The following WDR59 variants were observed in gnomAD, a reference collection of about 807,000 sequenced individuals.
The protein encoded by WDR59 is GATOR2 complex protein WDR59.
WDR59 carries 100 observed loss-of-function variants against 131.2 expected under a neutral mutation model. That is an observed-to-expected ratio of 0.76 (90% CI 0.65 to 0.90). The LOEUF (loss-of-function observed/expected upper bound fraction) is 0.90. WDR59 is among the 40% of genes least tolerant of loss of function. The pLI is 0.00. For missense variants in WDR59, 1,203 were observed against 1,262.2 expected, an observed-to-expected ratio of 0.95 and a Z score of 0.71; for synonymous variants, 601 against 466.2, an observed-to-expected ratio of 1.29 and a Z score of -3.72.
intron 25 of WDR59, among the ~76,000 whole-genome samples, chr16:74,875,718 T>G (rs1964180252): frequency 6.6e-6 from 1 of 152,198 alleles, no homozygotes; most frequent in African/African-American, 2.4e-5. Context: ...ATCACTTATT[T>G]TGCAAATGCC....
rs545227044 is a variant in WDR59 at position 74,923,541 on chromosome 16, G to A, written c.729+385C>T. 1.7e-3 allele frequency among the ~76,000 whole-genome samples: 255 copies of A among 152,054 alleles called. 1 individual carries two copies. Among genetic ancestry groups the A allele is most frequent in the Non-Finnish European group, 2.3e-3 (158 of 68,002 alleles). On this transcript the variant is annotated intron_variant, in intron 9 of 25. Coordinates refer to ENST00000262144, the MANE Select transcript of WDR59 (RefSeq NM_030581.4). ...CACCCAGGCTGGAGTGCAGTGGGGC[G>A]ATCTCAGCTTACTGCAAGCTCTGCC... is the stretch of plus-strand genomic sequence containing the variant.
intron 23 of WDR59, 103 bp from the exon 24 acceptor site, chr16:74,886,499 G>A: frequency 2.1e-6 from 3 of 1,441,506 alleles, no homozygotes; most frequent in Non-Finnish European, 2.8e-6. Context: ...TTTCCCAGAA[G>A]AAATGTTAAG....
chr16:74,953,857 C>T (rs1567428463), intron 3 of WDR59, among the ~76,000 whole-genome samples: 2 of 151,868 alleles, frequency 1.3e-5, no homozygotes, highest in Non-Finnish European at 2.9e-5. Flanking sequence ...AAAAAATTAG[C>T]CGGGCATGGT....
intron 7 of WDR59, among the ~76,000 whole-genome samples, chr16:74,939,414 T>A (rs1443340458): frequency 1.3e-5 from 2 of 151,960 alleles, no homozygotes; most frequent in African/African-American, 4.8e-5. Context: ...CGACACCAAA[T>A]GATGATACAA....
intron 6 of WDR59, 126 bp from the exon 7 acceptor site, chr16:74,942,952 G>T: frequency 1.3e-6 from 1 of 753,666 alleles, no homozygotes; most frequent in Non-Finnish European, 2.2e-6. Flanking sequence ...AAGTTTCTGT[G>T]ACTGCACCAA....
Position 74,895,779 on chromosome 16 carries a change from G to A in WDR59, c.1867-1967C>T, listed in dbSNP as rs377160192. ...ATGGGTGTAAGTAAGGGGAGGATACGTTAAAGAGCAAATAACCTGTCAGAA... is the reference window on the plus strand; with the variant it reads ...ATGGGTGTAAGTAAGGGGAGGATACATTAAAGAGCAAATAACCTGTCAGAA... On this transcript the variant is annotated intron_variant, in intron 18 of 25. Transcript: ENST00000262144. Among the ~76,000 whole-genome samples the A allele has an allele frequency of 7.5e-4, 114 of 152,282 alleles. 1 individual carries two copies. In the South Asian group the frequency reaches 0.021, roughly 28 times the overall value.
At chr16:74,895,241 G>A (rs1258164096) in intron 18 of WDR59, among the ~76,000 whole-genome samples, 1 of 152,032 alleles carries the variant, frequency 6.6e-6, no homozygotes, top group Non-Finnish European at 1.5e-5. Context: ...TATCAATTTG[G>A]AACTTTAACC....
rs1046140090 is a variant in WDR59 at position 74,972,167 on chromosome 16, T to G, written c.55-6345A>C. 2.0e-5 allele frequency among the ~76,000 whole-genome samples: 3 copies of G among 152,228 alleles called. No homozygotes were observed. In the East Asian group the frequency reaches 5.8e-4, roughly 29 times the overall value. On this transcript the variant is annotated intron_variant, in intron 1 of 25. Transcript: ENST00000262144. ...CAACTGCAAAGAAGGATGGTGACTT[T>G]TGGCACACTTAACACTTTAGGATTT...
Position 74,872,160 on chromosome 16 carries a change from C to G in WDR59, c.*2049G>C, listed in dbSNP as rs1026340673. On this transcript the variant is annotated 3_prime_UTR_variant, in exon 26 of 26. Transcript: ENST00000262144. ...CATTGTGATCATTTTTCTCTTACAC[C>G]ATTTCATTTTTTTAAATGCTGGTTT... is the stretch of plus-strand genomic sequence containing the variant. 9 of 152,116 alleles carry G rather than the reference C, an allele frequency of 5.9e-5. No homozygotes were observed. The highest frequency in any genetic ancestry group is 1.0e-4 in the Non-Finnish European group (7 of 68,046). The allele number at this position is 152,116 out of a possible 1,614,324, so 9.4% of individuals were successfully genotyped here.
At chr16:74,906,639 G>A (rs1281255837) in intron 17 of WDR59, among the ~76,000 whole-genome samples, 2 of 152,158 alleles carry the variant, frequency 1.3e-5, no homozygotes, top group South Asian at 2.1e-4. Flanking sequence ...ACAGGACAAC[G>A]AATAAACAAA....
At chr16:74,949,333 A>G (rs887257056) in intron 5 of WDR59, among the ~76,000 whole-genome samples, 4 of 130,422 alleles carry the variant, frequency 3.1e-5, no homozygotes, top group Admixed American at 7.2e-5. Context: ...CTTGTCTCAA[A>G]AAAAAAAAAA....
intron 2 of WDR59, among the ~76,000 whole-genome samples, chr16:74,961,329 A>G (rs2033558334): frequency 6.6e-6 from 1 of 152,082 alleles, no homozygotes; most frequent in South Asian, 2.1e-4. Context: ...AAAAAAACCC[A>G]ATATAAGAAA....
chr16:74,978,970 A>G, intron 1 of WDR59: 1 of 152,292 alleles, frequency 6.6e-6, no homozygotes, highest in Non-Finnish European at 1.5e-5. Flanking sequence ...TTTTGCAAAT[A>G]TCATTAGGTT....
chr16:74,947,505 G>T (rs1345433057), intron 6 of WDR59, among the ~76,000 whole-genome samples: 2 of 152,098 alleles, frequency 1.3e-5, no homozygotes, highest in African/African-American at 4.8e-5. Context: ...AAAGGAGAAG[G>T]AGACAGACTT....
intron 2 of WDR59, chr16:74,959,692 G>T (rs905456556): frequency 9.7e-6 from 3 of 307,950 alleles, no homozygotes; most frequent in African/African-American, 2.3e-5. Context: ...TGAGATGGGA[G>T]GATTGCTTGC....
chr16:74,967,739 A>T (rs918465618), intron 1 of WDR59, among the ~76,000 whole-genome samples: 2 of 151,828 alleles, frequency 1.3e-5, no homozygotes, highest in South Asian at 4.2e-4. Context: ...GGCACCTGTA[A>T]TCCCAGCTAC....
chr16:74,915,906 G>C lies in WDR59; in HGVS notation c.1188C>G (p.Ser396=). The C allele has an allele frequency of 6.2e-7, 1 of 1,614,188 alleles. No homozygotes were observed. The highest frequency in any genetic ancestry group is 8.5e-7 in the Non-Finnish European group (1 of 1,180,030). Residue 396 remains serine, a synonymous_variant, in exon 13 of 26, where the codon TCC becomes TCG. Transcript: ENST00000262144. ...GLPQTLQQEF[S]LINVQIRNVN... ...CATTCCGGATTTGCACATTGATCAG[G>C]GAGAATTCCTGCTGCAAGGTCTGAG...
In WDR59 at chr16:74,961,651, G is replaced by A. The variant is rs571932734; in HGVS notation, c.104+4122C>T. On this transcript the variant is annotated intron_variant, in intron 2 of 25. Transcript: ENST00000262144. ...TTTTTAACGGGGTTGTTTATTTCTT[G>A]TAAATTTGTTTAAATTCCTTGTAGA... Among the ~76,000 whole-genome samples, 18 of 152,160 alleles carry A rather than the reference G, an allele frequency of 1.2e-4. No homozygotes were observed. In the South Asian group the frequency reaches 3.1e-3, roughly 26 times the overall value.
chr16:74,945,689 C>T (rs2032575946), intron 6 of WDR59, among the ~76,000 whole-genome samples: 1 of 151,946 alleles, frequency 6.6e-6, no homozygotes, highest in East Asian at 1.9e-4. Flanking sequence ...GGGTTTGATT[C>T]ATCTATCCAT....
Sources: allele counts gnomAD v4.1 joint callset (sites outside exome capture counted in the v4.1 genomes callset), GRCh38; gene constraint gnomAD v4.1.1; transcripts MANE v1.5; gene names NCBI Gene and HGNC (gene_info 2026-07-23, HGNC 2026-07-21).